TINAGL1: variants seen among roughly 807,000 people sequenced by gnomAD.
TINAGL1 encodes tubulointerstitial nephritis antigen like 1.
TINAGL1 carries 34 observed loss-of-function variants against 62.0 expected under a neutral mutation model. The observed-to-expected ratio is 0.55, with a 90% confidence interval of 0.42 to 0.73. The LOEUF is 0.73. TINAGL1 is among the 30% of genes least tolerant of loss of function. TINAGL1 has a pLI of 0.00. For missense variants in TINAGL1, 516 were observed against 653.2 expected (o/e 0.79, Z 2.29); for synonymous variants, 221 against 249.7 (o/e 0.88, Z 1.08).
In TINAGL1 at chr1:31,583,361, T is replaced by C; in HGVS notation, c.468-100T>C. 2.0e-6 allele frequency: 3 copies of C among 1,465,894 alleles called. No individual in the cohort carries two copies. The highest frequency in any genetic ancestry group is 1.9e-6 in the Non-Finnish European group (2 of 1,058,170). The allele number at this position is 1,465,894 out of a possible 1,614,324, so 90.8% of individuals were successfully genotyped here. A position where few individuals can be genotyped will look rare whatever the true frequency, so the allele number is the denominator to read the frequency against. On this transcript the variant is annotated intron_variant, in intron 4 of 11. Coordinates refer to ENST00000271064, the MANE Select transcript of TINAGL1 (RefSeq NM_022164.3). The surrounding 1 kb of genome is among the most constrained non-coding windows in gnomAD (Gnocchi z 4.4). The stretch of plus-strand genomic sequence containing the variant: ...TCCTACACCCAGATTTGACTGTGTG[T>C]GCGCTCAGCCACTGTGCGTCTCTCC...
In TINAGL1 at chr1:31,585,889, T is replaced by C. The variant is rs1231577961; in HGVS notation, c.1217+13T>C. 3.2e-6 allele frequency: 5 copies of C among 1,569,790 alleles called. No individual in the cohort carries two copies. The highest frequency in any genetic ancestry group is 4.3e-6 in the Non-Finnish European group (5 of 1,156,904). On this transcript the variant is annotated intron_variant, in intron 10 of 11. Transcript: ENST00000271064. The surrounding 1 kb of genome is among the most constrained non-coding windows in gnomAD (Gnocchi z 4.3). ...TCAAGATCACAGGGTGAGGGGCGTG[T>C]GGGCAGAGGGGGTTTGGGACAGCAG...
chr1:31,584,502 T>G lies in TINAGL1; in HGVS notation c.583-176T>G. 1 of 919,596 alleles carries G rather than the reference T, an allele frequency of 1.1e-6. No individual in the cohort carries two copies. The highest frequency in any genetic ancestry group is 2.7e-5 in the East Asian group (1 of 37,012). 57.0% of individuals were successfully genotyped at this position (919,596 alleles called of 1,614,324 possible). ...CTGATACCTGGGAGGCACTAAATGGTGCTTGGTTCTTCAACACAAGTCAAA... is the reference window on the plus strand; with the variant it reads ...CTGATACCTGGGAGGCACTAAATGGGGCTTGGTTCTTCAACACAAGTCAAA... On this transcript the variant is annotated intron_variant, in intron 5 of 11. Coordinates refer to ENST00000271064, the MANE Select transcript of TINAGL1 (RefSeq NM_022164.3). The surrounding 1 kb of genome is among the most constrained non-coding windows in gnomAD (Gnocchi z 4.0).
Position 31,585,404 on chromosome 1 carries a change from C to T in TINAGL1, c.1048-36C>T, listed in dbSNP as rs201790746. On this transcript the variant is annotated intron_variant, in intron 8 of 11. Coordinates refer to ENST00000271064, the MANE Select transcript of TINAGL1 (RefSeq NM_022164.3). The surrounding 1 kb of genome is among the most constrained non-coding windows in gnomAD (Gnocchi z 4.3). ...GTTGTGAAAGCCTGGAGTCTCACCC[C>T]TGACGTATGCTCTCTGTCCATCCCC... 2 of 1,612,266 alleles carry T rather than the reference C, an allele frequency of 1.2e-6. No individual in the cohort carries two copies. Among genetic ancestry groups the T allele is most frequent in the Non-Finnish European group, 1.7e-6 (2 of 1,179,178 alleles).
intron 2 of TINAGL1, chr1:31,578,082 T>C: frequency 1.1e-6 from 1 of 931,088 alleles, no homozygotes. Flanking sequence ...CTCCAAGCCC[T>C]AACTTATTTA....
chr1:31,586,116 A>C (rs1308130925), intron 10 of TINAGL1: 12 of 430,052 alleles, frequency 2.8e-5, no homozygotes, highest in Non-Finnish European at 4.0e-5. Flanking sequence ...AATAACTCCA[A>C]TATGAAGAGA....
At chr1:31,580,162 GCTCTCTCTCTCTCTCTCTCTCT>G (rs761677862) in intron 3 of TINAGL1, 92 of 474,208 alleles carry the variant, frequency 1.9e-4, no homozygotes, top group African/African-American at 1.3e-3. Flanking sequence ...GGGTTAATGC[GCTCTCTCTCTCTCTCTCTCTCT>G]CTCTCTCTCT....
rs779425618 is a variant in TINAGL1 at position 31,583,232 on chromosome 1, G to T, written c.458G>T (p.Gly153Val). 1.2e-6 allele frequency: 2 copies of T among 1,614,030 alleles called. No homozygotes were observed. The highest frequency in any genetic ancestry group is 2.7e-5 in the African/African-American group (2 of 74,918). ...DPDMIKAINQ[G>V]NYGWQAGNHS... Reference sequence around the variant, plus strand: ...GACATGATCAAAGCCATCAACCAGGGCAACTATGGGTGAGAGGCCCTAGAG... The same window carrying T: ...GACATGATCAAAGCCATCAACCAGGTCAACTATGGGTGAGAGGCCCTAGAG... The change falls in exon 4 of 12, where the codon GGC (glycine) becomes GTC (valine). Residue 153 changes from glycine (G) to valine (V), a missense_variant. By Grantham distance (109) the Gly-to-Val change is moderately radical. Coordinates refer to ENST00000271064, the MANE Select transcript of TINAGL1 (RefSeq NM_022164.3). This position sits in a 1 kb window ranked among gnomAD's most constrained non-coding sequence, Gnocchi z 4.4.
At chr1:31,580,429 G>A (rs533552219) in intron 3 of TINAGL1, 42 of 1,289,330 alleles carry the variant, frequency 3.3e-5, no homozygotes, top group African/African-American at 3.2e-4. Flanking sequence ...GGGCGAGGGT[G>A]GGGGAGTGTC....
In TINAGL1 at chr1:31,585,222, TGATGCACAG is replaced by T; in HGVS notation, c.930_938del (p.Met310_Ser313delinsIle). On this transcript the variant is annotated inframe_deletion, in exon 8 of 12. Transcript: ENST00000271064. The surrounding 1 kb of genome is among the most constrained non-coding windows in gnomAD (Gnocchi z 4.3). Reference sequence around the variant, plus strand: ...GAGGCTGGCCCTGCGCCCCCCTGTATGATGCACAGCCGAGCCATGGGTCGGGGCAAGCGC... The same window carrying T: ...GAGGCTGGCCCTGCGCCCCCCTGTATCCGAGCCATGGGTCGGGGCAAGCGC... 6.2e-7 allele frequency: 1 copy of T among 1,613,300 alleles called. No individual in the cohort carries two copies. The highest frequency in any genetic ancestry group is 8.5e-7 in the Non-Finnish European group (1 of 1,179,620).
At chr1:31,586,332 A>C (rs1189074444) in intron 10 of TINAGL1, 1 of 417,380 alleles carries the variant, frequency 2.4e-6, no homozygotes, top group Non-Finnish European at 4.3e-6. Context: ...CCATATTCTC[A>C]GAGTGTCTTC....
At chr1:31,578,608 T>C (rs1639088030) in intron 2 of TINAGL1, among the ~76,000 whole-genome samples, 1 of 137,816 alleles carries the variant, frequency 7.3e-6, no homozygotes, top group South Asian at 2.4e-4. Context: ...TGAGAGCTGG[T>C]GTGTGTGTGT....
rs563796810 is a variant in TINAGL1, at chr1:31,586,513, A to T, written c.1218-197A>T. ...TCCCCTTGGTGCCCCACCCCCTCCC[A>T]TGCTGGGCCTGGGTGCACCGACTTA... On this transcript the variant is annotated intron_variant, in intron 10 of 11. Transcript: ENST00000271064. 199 of 644,554 alleles carry T rather than the reference A, an allele frequency of 3.1e-4. 5 individuals are homozygous for T. In the South Asian group the frequency reaches 3.4e-3, roughly 11 times the overall value. 39.9% of individuals were successfully genotyped at this position (644,554 alleles called of 1,614,324 possible).
chr1:31,587,088 G>T lies in TINAGL1; in HGVS notation c.*109G>T. 1 of 1,325,268 alleles carries T rather than the reference G, an allele frequency of 7.5e-7. No homozygotes were observed. The highest frequency in any genetic ancestry group is 9.6e-7 in the Non-Finnish European group (1 of 1,043,082). The allele number at this position is 1,325,268 out of a possible 1,614,324, so 82.1% of individuals were successfully genotyped here. A position where few individuals can be genotyped will look rare whatever the true frequency, so the allele number is the denominator to read the frequency against. ...CTCGCCCGACAGAGCCCGGGGCGCA[G>T]GCGGGCGCCAGGGCGCTAATCCCGG... On this transcript the variant is annotated 3_prime_UTR_variant, in exon 12 of 12. Coordinates refer to ENST00000271064, the MANE Select transcript of TINAGL1 (RefSeq NM_022164.3).
intron 3 of TINAGL1, chr1:31,580,594 T>C (rs1429214798): frequency 1.1e-5 from 14 of 1,288,756 alleles, no homozygotes; most frequent in African/African-American, 3.0e-5. Context: ...TCCCCAGCAG[T>C]GCCCCCGCCT....
chr1:31,584,327 A>C lies in TINAGL1; in HGVS notation c.583-351A>C. On this transcript the variant is annotated intron_variant, in intron 5 of 11. Coordinates refer to ENST00000271064, the MANE Select transcript of TINAGL1 (RefSeq NM_022164.3). The surrounding 1 kb of genome is among the most constrained non-coding windows in gnomAD (Gnocchi z 4.0). The stretch of plus-strand genomic sequence containing the variant: ...GGAAAGCTAAGGCCTGAAGAAAGCT[A>C]AGGCCGATCAGAAGGTGCAGAGGAA... 1 of 269,100 alleles carries C rather than the reference A, an allele frequency of 3.7e-6. No individual in the cohort carries two copies. The highest frequency in any genetic ancestry group is 4.4e-5 in the Admixed American group (1 of 22,954). 16.7% of individuals were successfully genotyped at this position (269,100 alleles called of 1,614,324 possible).
rs1489000190 is a variant in TINAGL1 at position 31,576,971 on chromosome 1, G to C, written c.-15-163G>C. On this transcript the variant is annotated intron_variant, in intron 1 of 11. Transcript: ENST00000271064. This position sits in a 1 kb window ranked among gnomAD's most constrained non-coding sequence, Gnocchi z 5.1. Reference sequence around the variant, plus strand: ...CCCAGTCCCCATCCCCCTATAGCCAGGGCCCACACACTGGGGCTCCTCTGC... The same window carrying C: ...CCCAGTCCCCATCCCCCTATAGCCACGGCCCACACACTGGGGCTCCTCTGC... 1 of 622,098 alleles carries C rather than the reference G, an allele frequency of 1.6e-6. No homozygotes were observed. Among genetic ancestry groups the C allele is most frequent in the African/African-American group, 1.8e-5 (1 of 54,268 alleles). 38.5% of individuals were successfully genotyped at this position (622,098 alleles called of 1,614,324 possible). A position where few individuals can be genotyped will look rare whatever the true frequency, so the allele number is the denominator to read the frequency against.
In TINAGL1 at chr1:31,577,726, C is replaced by G. The variant is rs988520645; in HGVS notation, c.310+268C>G. 4.1e-6 allele frequency: 2 copies of G among 488,112 alleles called. No individual in the cohort carries two copies. The highest frequency in any genetic ancestry group is 3.9e-5 in the Admixed American group (1 of 25,930). 30.2% of individuals were successfully genotyped at this position (488,112 alleles called of 1,614,324 possible). A position where few individuals can be genotyped will look rare whatever the true frequency, so the allele number is the denominator to read the frequency against. ...CCAGACACGGAAGGTGCTGGCCGCA[C>G]CTGCTGACTCACTCTTGGGCTGATA... On this transcript the variant is annotated intron_variant, in intron 2 of 11. Transcript: ENST00000271064. The surrounding 1 kb of genome is among the most constrained non-coding windows in gnomAD (Gnocchi z 5.4).
At position 31,583,397 on chromosome 1, in the gene TINAGL1, C is replaced by T. The variant is rs2148593023; in HGVS notation, c.468-64C>T. 3.3e-6 allele frequency: 5 copies of T among 1,528,640 alleles called. No homozygotes were observed. The highest frequency in any genetic ancestry group is 1.4e-5 in the African/African-American group (1 of 73,230). 94.7% of individuals were successfully genotyped at this position (1,528,640 alleles called of 1,614,324 possible). ...ACTGTGCGTCTCTCCCACCCACATG[C>T]ACCCACGCCAAGGACCCTGAGCCTC... On this transcript the variant is annotated intron_variant, in intron 4 of 11. Coordinates refer to ENST00000271064, the MANE Select transcript of TINAGL1 (RefSeq NM_022164.3). This position sits in a 1 kb window ranked among gnomAD's most constrained non-coding sequence, Gnocchi z 4.4.
At position 31,583,826 on chromosome 1, in the gene TINAGL1, G is replaced by A. The variant is rs191570866; in HGVS notation, c.582+251G>A. 4 of 504,812 alleles carry A rather than the reference G, an allele frequency of 7.9e-6. No homozygotes were observed. Among genetic ancestry groups the A allele is most frequent in the Non-Finnish European group, 1.4e-5 (4 of 278,642 alleles). 31.3% of individuals were successfully genotyped at this position (504,812 alleles called of 1,614,324 possible). ...AGCTCCCCCCTGATCTCTCCAGCCTGGGAAAAATGCTGTTGGTCTCAGTAC... is the reference window on the plus strand; with the variant it reads ...AGCTCCCCCCTGATCTCTCCAGCCTAGGAAAAATGCTGTTGGTCTCAGTAC... On this transcript the variant is annotated intron_variant, in intron 5 of 11. Transcript: ENST00000271064. The surrounding 1 kb of genome is among the most constrained non-coding windows in gnomAD (Gnocchi z 4.4).
Sources: gnomAD v4.1 joint callset for allele counts (sites outside exome capture counted in the v4.1 genomes callset) on GRCh38, gnomAD v4.1.1 for gene constraint, Gnocchi (gnomAD v3.1) non-coding constraint, MANE v1.5 for transcripts, NCBI Gene and HGNC (gene_info 2026-07-23, HGNC 2026-07-21) for gene names.